ZNF777: variants seen among roughly 807,000 people sequenced by gnomAD.
ZNF777 encodes the protein zinc finger protein 777.
Under a neutral mutation model 72.1 loss-of-function variants are expected in ZNF777, and 7 were observed. The observed-to-expected ratio is 0.10, with a 90% confidence interval of 0.06 to 0.18. The LOEUF is 0.18. Among genes scored for constraint, ZNF777 ranks in the 10% least tolerant of loss-of-function variants. The probability of loss-of-function intolerance (pLI) is 1.00; values close to 1 mark genes in which losing one functional copy is unlikely to be tolerated. For missense variants in ZNF777, 828 were observed against 1,128.6 expected (o/e 0.73, Z 3.82); for synonymous variants, 545 against 483.5 (o/e 1.13, Z -1.67).
At position 149,432,652 on chromosome 7, in the gene ZNF777, C is replaced by T; in HGVS notation, c.1620G>A (p.Arg540=). The T allele has an allele frequency of 1.2e-6, 2 of 1,613,604 alleles. No homozygotes were observed. Among genetic ancestry groups the T allele is most frequent in the South Asian group, 2.2e-5 (2 of 91,052 alleles). Residue 540 remains arginine (R), a synonymous_variant, in exon 6 of 6, where the codon CGG becomes CGA. Transcript: ENST00000247930. ...RGASSQQQRN[R]RGERPFTCME... ...TGCATGTGAAGGGCCGCTCGCCGCG[C>T]CGGTTCCGCTGCTGCTGGCTCGAGG...
At chr7:149,433,297 G>A (rs1736070071) in intron 5 of ZNF777, among the ~76,000 whole-genome samples, 1 of 152,198 alleles carries the variant, frequency 6.6e-6, no homozygotes, top group African/African-American at 2.4e-5. Flanking sequence ...AGTACACAGA[G>A]CCGATGTGGG....
At chr7:149,453,264 A>G (rs1267581486) in intron 3 of ZNF777, among the ~76,000 whole-genome samples, 2 of 152,206 alleles carry the variant, frequency 1.3e-5, no homozygotes, top group African/African-American at 4.8e-5. Context: ...AATTTTCACA[A>G]TTAAAAAACA....
At chr7:149,442,232 A>T (rs1044618302) in intron 4 of ZNF777, among the ~76,000 whole-genome samples, 2 of 148,614 alleles carry the variant, frequency 1.3e-5, no homozygotes, top group Non-Finnish European at 3.0e-5. Context: ...AAAAAAAAAA[A>T]AAAGTGATAA....
intron 3 of ZNF777, among the ~76,000 whole-genome samples, chr7:149,451,507 A>G (rs780174397): frequency 2.0e-5 from 3 of 152,170 alleles, no homozygotes; most frequent in Non-Finnish European, 2.9e-5. Context: ...CCTGGTCAAC[A>G]TGGTGAAACC....
At chr7:149,450,543 T>C (rs1280038186) in intron 4 of ZNF777, among the ~76,000 whole-genome samples, 1 of 152,102 alleles carries the variant, frequency 6.6e-6, no homozygotes, top group Non-Finnish European at 1.5e-5. Context: ...TGGGTGCATA[T>C]CTGCTGACTC....
chr7:149,445,819 G>C (rs1453308015), intron 4 of ZNF777, among the ~76,000 whole-genome samples: 1 of 152,170 alleles, frequency 6.6e-6, no homozygotes, highest in Non-Finnish European at 1.5e-5. Context: ...TGGGAGCTGA[G>C]GGGAGCTTTA....
intron 3 of ZNF777, 121 bp downstream of exon 3, chr7:149,453,990 A>G: frequency 6.9e-7 from 1 of 1,446,384 alleles, no homozygotes; most frequent in African/African-American, 1.4e-5. Context: ...TGTGATCTCT[A>G]CAACTCTGTT....
Position 149,432,855 on chromosome 7 carries a change from G to T in ZNF777, c.1417C>A (p.Gln473Lys). 1.3e-6 allele frequency: 2 copies of T among 1,577,068 alleles called. No homozygotes were observed. Among genetic ancestry groups the T allele is most frequent in the Non-Finnish European group, 1.7e-6 (2 of 1,160,864 alleles). The change falls in exon 6 of 6, where the codon CAA becomes AAA. Residue 473 changes from glutamine to lysine, a missense_variant. By Grantham distance (53) the Gln-to-Lys change is moderately conservative. Around this residue, in one of 12 missense-constraint regions of ZNF777, gnomAD observed 219 missense variants for 223.0 expected, o/e 0.98. Coordinates refer to ENST00000247930, the MANE Select transcript of ZNF777 (RefSeq NM_015694.3). ...EEEDELPQHL[Q>K]SLGQLSGRYE... ...CTCCCGGACAGCTGCCCAAGGGATT[G>T]CAAGTGCTGCGGCAGCTCATCCTCC... is the stretch of plus-strand genomic sequence containing the variant.
chr7:149,446,560 GTTT>G (rs201190576), intron 4 of ZNF777, among the ~76,000 whole-genome samples: 1 of 151,414 alleles, frequency 6.6e-6, no homozygotes, highest in Admixed American at 6.6e-5. Context: ...TTTCCATCCA[GTTT>G]TTTTTTAATC....
intron 1 of ZNF777, among the ~76,000 whole-genome samples, chr7:149,456,772 A>G (rs1799840919): frequency 6.6e-6 from 1 of 152,192 alleles, no homozygotes; most frequent in African/African-American, 2.4e-5. Flanking sequence ...TAACAGTTGC[A>G]TTGCAGACTC....
At position 149,434,127 on chromosome 7, in the gene ZNF777, G is replaced by C. The variant is rs565133994; in HGVS notation, c.1340-1195C>G. ...TACAGATGGGTCATCCAAGCCCAGA[G>C]ATATCAAGTGATGTTTCCAAATAGA... On this transcript the variant is annotated intron_variant, in intron 5 of 5. Transcript: ENST00000247930. Among the ~76,000 whole-genome samples, 3 of 152,266 alleles carry C rather than the reference G, an allele frequency of 2.0e-5. 1 individual carries two copies. The South Asian group carries it at 6.2e-4, about 32-fold the overall frequency.
At chr7:149,454,338 C>T (rs1799780617) in intron 2 of ZNF777, 101 bp from the exon 3 acceptor site, 2 of 1,495,014 alleles carry the variant, frequency 1.3e-6, no homozygotes, top group South Asian at 1.2e-5. Context: ...GGGCCTTCAC[C>T]TAGGACTTTT....
chr7:149,455,564 C>G lies in ZNF777; in HGVS notation c.459G>C (p.Pro153=). ...SPTVPETDMD[P]LLQSPVSQKD... ...TTTGGGAAACCGGGCTCTGGAGCAG[C>G]GGGTCCATGTCAGTCTCGGGAACTG... The change falls in exon 2 of 6, where the codon CCG becomes CCC. Residue 153 remains proline, a synonymous_variant. Coordinates refer to ENST00000247930, the MANE Select transcript of ZNF777 (RefSeq NM_015694.3). This position sits in a 1 kb window ranked among gnomAD's most constrained non-coding sequence, Gnocchi z 4.2. The G allele has an allele frequency of 6.2e-7, 1 of 1,611,220 alleles. No individual in the cohort carries two copies. Among genetic ancestry groups the G allele is most frequent in the Non-Finnish European group, 8.5e-7 (1 of 1,179,772 alleles).
At position 149,436,331 on chromosome 7, in the gene ZNF777, T is replaced by C. The variant is rs897761016; in HGVS notation, c.1339+244A>G. 1.9e-4 allele frequency among the ~76,000 whole-genome samples: 29 copies of C among 152,166 alleles called. No homozygotes were observed. The highest frequency in any genetic ancestry group is 2.6e-4 in the Admixed American group (4 of 15,278). ...AATGAGGGGTGGGATAGGTGAGCTC[T>C]GAGATCCCTTTGCCTGAACCAGTCT... On this transcript the variant is annotated intron_variant, in intron 5 of 5. Transcript: ENST00000247930. The surrounding 1 kb of genome is among the most constrained non-coding windows in gnomAD (Gnocchi z 5.0).
At chr7:149,459,829 G>T (rs1799911084) in intron 1 of ZNF777, 1 of 984,724 alleles carries the variant, frequency 1.0e-6, no homozygotes, top group Non-Finnish European at 1.2e-6. Context: ...GACGCAGCGC[G>T]GGCCCCGCAG....
intron 4 of ZNF777, among the ~76,000 whole-genome samples, chr7:149,443,134 C>G (rs1409804255): frequency 1.3e-5 from 2 of 152,054 alleles, no homozygotes; most frequent in Non-Finnish European, 2.9e-5. Context: ...TGTGAACACC[C>G]TAAATGCACA....
At position 149,432,721 on chromosome 7, in the gene ZNF777, C is replaced by T. The variant is rs1331539168; in HGVS notation, c.1551G>A (p.Ala517=). 3.7e-6 allele frequency: 6 copies of T among 1,612,078 alleles called. No individual in the cohort carries two copies. The highest frequency in any genetic ancestry group is 2.2e-5 in the South Asian group (2 of 90,988). Residue 517 remains alanine (A), a synonymous_variant, in exon 6 of 6, where the codon GCG becomes GCA. Coordinates refer to ENST00000247930, the MANE Select transcript of ZNF777 (RefSeq NM_015694.3). ...GGTGCCGCTCACCGTGCACGGAGGG[C>T]GCCAGCCTTTTCACTGCGGGGTTTC... is the stretch of plus-strand genomic sequence containing the variant. The part of the protein sequence containing the change: ...QLGNPAVKRL[A]PSVHGERHLS...
At chr7:149,458,541 C>CA (rs1320926679) in intron 1 of ZNF777, among the ~76,000 whole-genome samples, 2 of 152,062 alleles carry the variant, frequency 1.3e-5, no homozygotes, top group East Asian at 3.9e-4. Flanking sequence ...CAAAACAAAA[C>CA]AAAACCCTCC....
rs1393922569 is a variant in ZNF777, at chr7:149,432,301, C to T, written c.1971G>A (p.Thr657=). Residue 657 remains threonine (T), a synonymous_variant, in exon 6 of 6, where the codon ACG becomes ACA. Coordinates refer to ENST00000247930, the MANE Select transcript of ZNF777 (RefSeq NM_015694.3). The part of the protein sequence containing the change: ...HKSSLTKHQI[T]HTGERPYTCP... ...ACGTGTAGGGCCGCTCACCCGTGTGCGTGATCTGGTGTTTGGTCAGGCTGG... is the reference window on the plus strand; with the variant it reads ...ACGTGTAGGGCCGCTCACCCGTGTGTGTGATCTGGTGTTTGGTCAGGCTGG... 4 of 1,609,602 alleles carry T rather than the reference C, an allele frequency of 2.5e-6. No homozygotes were observed. Among genetic ancestry groups the T allele is most frequent in the East Asian group, 2.2e-5 (1 of 44,802 alleles).
Sources: allele counts gnomAD v4.1 joint callset (sites outside exome capture counted in the v4.1 genomes callset), GRCh38; gene constraint gnomAD v4.1.1; regional missense constraint gnomAD v4.1.1; non-coding constraint Gnocchi (gnomAD v3.1); transcripts MANE v1.5; gene names NCBI Gene and HGNC (gene_info 2026-07-23, HGNC 2026-07-21).